Variants in SLC44A5 observed in about 807,000 individuals in gnomAD.
SLC44A5 encodes the protein choline transporter-like protein 5.
In SLC44A5, 57 loss-of-function variants were observed where a neutral mutation model predicts 101.8. That is an observed-to-expected ratio of 0.56 (90% confidence interval 0.45 to 0.70). The LOEUF (loss-of-function observed/expected upper bound fraction) is 0.70. SLC44A5 is among the 30% of genes least tolerant of loss of function. SLC44A5 has a pLI of 0.00. For missense variants in SLC44A5, 737 were observed against 853.1 expected (o/e 0.86, Z 1.70); for synonymous variants, 281 against 290.9 (o/e 0.97, Z 0.35).
At chr1:75,240,041 AT>A (rs1165683743) in intron 9 of SLC44A5, among the ~76,000 whole-genome samples, 1 of 151,740 alleles carries the variant, frequency 6.6e-6, no homozygotes, top group Non-Finnish European at 1.5e-5. Context: ...TATTTCATAT[AT>A]TTTTTTCTGG....
At chr1:75,705,666 C>A in the SLC44A5 span, among the ~76,000 whole-genome samples, 1 of 151,976 alleles carries the variant, frequency 6.6e-6, no homozygotes, top group Middle Eastern at 3.4e-3. Context: ...TATTAAATAA[C>A]CAGCTGTGTT....
the SLC44A5 span, among the ~76,000 whole-genome samples, chr1:75,634,004 T>C: frequency 6.6e-6 from 1 of 151,952 alleles, no homozygotes; most frequent in East Asian, 1.9e-4. Flanking sequence ...TTTGGTTCTG[T>C]TTATATGCTG....
intron 3 of SLC44A5, among the ~76,000 whole-genome samples, chr1:75,360,015 C>T (rs76075458): frequency 0.25 from 37,639 of 151,950 alleles, 4,938 homozygotes; most frequent in African/African-American, 0.32. Flanking sequence ...AATTGAGTTA[C>T]TTGTTTCCTT....
At chr1:75,692,765 T>A in the SLC44A5 span, among the ~76,000 whole-genome samples, 1 of 152,122 alleles carries the variant, frequency 6.6e-6, no homozygotes, top group Non-Finnish European at 1.5e-5. Context: ...AGAAAAAGTA[T>A]GTAATATTCA....
At chr1:75,433,885 A>T (rs2101604109) in intron 2 of SLC44A5, among the ~76,000 whole-genome samples, 1 of 152,290 alleles carries the variant, frequency 6.6e-6, no homozygotes, top group South Asian at 2.1e-4. Context: ...GGGAAGTCTT[A>T]CATGGCAGCA....
chr1:75,407,350 A>G (rs1012256214), intron 2 of SLC44A5, among the ~76,000 whole-genome samples: 5 of 152,138 alleles, frequency 3.3e-5, no homozygotes, highest in African/African-American at 1.2e-4. Flanking sequence ...ACAGAATTAG[A>G]AAAAAACTAA....
At chr1:75,386,449 C>T (rs1199352389) in intron 3 of SLC44A5, among the ~76,000 whole-genome samples, 1 of 152,098 alleles carries the variant, frequency 6.6e-6, no homozygotes, top group Admixed American at 6.6e-5. Flanking sequence ...TGAGTGAAAT[C>T]CCATTCACAA....
At chr1:75,663,141 C>T in the SLC44A5 span, among the ~76,000 whole-genome samples, 1 of 152,138 alleles carries the variant, frequency 6.6e-6, no homozygotes, top group African/African-American at 2.4e-5. Flanking sequence ...TCTACTTCTA[C>T]TGACCAGTTA....
chr1:75,601,492 C>A (rs2102149654), intron 1 of SLC44A5, among the ~76,000 whole-genome samples: 1 of 152,078 alleles, frequency 6.6e-6, no homozygotes, highest in Non-Finnish European at 1.5e-5. Context: ...TGCAACAAAC[C>A]TGCACATTCT....
intron 2 of SLC44A5, among the ~76,000 whole-genome samples, chr1:75,469,408 A>G (rs1666984796): frequency 6.6e-6 from 1 of 152,256 alleles, no homozygotes; most frequent in Admixed American, 6.5e-5. Context: ...GTGCCACTTA[A>G]GAAGACAATA....
chr1:75,610,204 T>G (rs894093719), intron 1 of SLC44A5, among the ~76,000 whole-genome samples: 1 of 150,366 alleles, frequency 6.7e-6, no homozygotes, highest in African/African-American at 2.5e-5. Context: ...AATTAGGAAC[T>G]GAGCTCTTCT....
chr1:75,214,081 T>C, intron 20 of SLC44A5, 92 bp from the exon 21 acceptor site: 1 of 803,630 alleles, frequency 1.2e-6, no homozygotes, highest in South Asian at 1.7e-5. Flanking sequence ...GAGTTTATTT[T>C]GGTGTGTCTT....
At chr1:75,537,178 A>C (rs1273114561) in intron 2 of SLC44A5, among the ~76,000 whole-genome samples, 2 of 152,088 alleles carry the variant, frequency 1.3e-5, no homozygotes, top group South Asian at 2.1e-4. Flanking sequence ...GTGAAATTTG[A>C]ATGAATTATA....
chr1:75,706,188 A>G, the SLC44A5 span, among the ~76,000 whole-genome samples: 3 of 152,128 alleles, frequency 2.0e-5, no homozygotes, highest in African/African-American at 7.2e-5. Flanking sequence ...ACTAATTCTA[A>G]TATGTGGTTT....
intron 1 of SLC44A5, among the ~76,000 whole-genome samples, 185 bp from the exon 2 acceptor site, chr1:75,541,701 C>A (rs1028681350): frequency 2.0e-5 from 3 of 152,090 alleles, no homozygotes; most frequent in Non-Finnish European, 4.4e-5. Context: ...GGAGAAGCAG[C>A]CTTTCTCCTT....
At chr1:75,708,323 A>AGAATCGCTTGAACCCATGAGGT in the SLC44A5 span, among the ~76,000 whole-genome samples, 1 of 146,936 alleles carries the variant, frequency 6.8e-6, no homozygotes, top group Non-Finnish European at 1.5e-5. Context: ...CTGAGACAGG[A>AGAATCGCTTGAACCCATGAGGT]GAATCGCTTG....
chr1:75,424,451 A>G (rs1664190235), intron 2 of SLC44A5, among the ~76,000 whole-genome samples: 2 of 152,180 alleles, frequency 1.3e-5, no homozygotes, highest in Admixed American at 1.3e-4. Context: ...GACTACAGGC[A>G]CGTGCCACTG....
chr1:75,632,337 TA>T, the SLC44A5 span, among the ~76,000 whole-genome samples: 114,556 of 151,862 alleles, frequency 0.75, 43,492 homozygotes, highest in East Asian at 0.96. Context: ...CTAACTCAGA[TA>T]AAAAAATCAT....
intron 1 of SLC44A5, among the ~76,000 whole-genome samples, chr1:75,604,862 G>T (rs1327940966): frequency 6.6e-6 from 1 of 151,926 alleles, no homozygotes; most frequent in East Asian, 1.9e-4. Context: ...TTTGTACATT[G>T]ATTTTGTATC....
Sources: allele counts gnomAD v4.1 joint callset (sites outside exome capture counted in the v4.1 genomes callset), GRCh38; gene constraint gnomAD v4.1.1; transcripts MANE v1.5; gene names NCBI Gene and HGNC (gene_info 2026-07-23, HGNC 2026-07-21).